Variants in AKAP6 observed in about 807,000 individuals in gnomAD.
AKAP6 encodes the protein A-kinase anchor protein 6.
AKAP6 carries 58 observed loss-of-function variants against 188.5 expected under a neutral mutation model. The observed-to-expected ratio is 0.31, with a 90% confidence interval of 0.25 to 0.38. The LOEUF (loss-of-function observed/expected upper bound fraction) is 0.38, where lower values mean the gene tolerates loss of function less well. Among genes scored for constraint, AKAP6 ranks in the 10% least tolerant of loss-of-function variants. The pLI, the probability that AKAP6 is intolerant of heterozygous loss-of-function variation, is 1.00. For synonymous variants in AKAP6, 989 were observed against 998.6 expected (o/e 0.99, Z 0.18); for missense variants, 2,710 against 2,740.0 (o/e 0.99, Z 0.24).
chr14:32,452,076 C>G (rs892386990), intron 2 of AKAP6, among the ~76,000 whole-genome samples: 2 of 124,418 alleles, frequency 1.6e-5, no homozygotes, highest in African/African-American at 6.4e-5. Context: ...GGCTGGAGTC[C>G]AGTGGTGCAA....
At chr14:32,803,680 T>TC (rs2034014359) in intron 12 of AKAP6, among the ~76,000 whole-genome samples, 1 of 152,210 alleles carries the variant, frequency 6.6e-6, no homozygotes. Context: ...GTCTAGATGC[T>TC]CTTTTCATTC....
At position 32,767,019 on chromosome 14, in the gene AKAP6, C is replaced by T. The variant is rs149026695; in HGVS notation, c.3373-6659C>T. Among the ~76,000 whole-genome samples, 73 of 152,206 alleles carry T rather than the reference C, an allele frequency of 4.8e-4. 1 individual carries two copies. In the East Asian group the frequency reaches 0.014, roughly 29 times the overall value. On this transcript the variant is annotated intron_variant, in intron 11 of 13. Coordinates refer to ENST00000280979, the MANE Select transcript of AKAP6 (RefSeq NM_004274.5). ...GATAGGGGTTCAATTCATTCTTTTG[C>T]ATGTGGATATCCAGTTGTCTCAGCA... is the stretch of plus-strand genomic sequence containing the variant.
At chr14:32,661,022 CCTCT>C (rs1183359092) in intron 7 of AKAP6, among the ~76,000 whole-genome samples, 2 of 143,578 alleles carry the variant, frequency 1.4e-5, no homozygotes, top group African/African-American at 5.1e-5. Context: ...CTTTTCATGA[CCTCT>C]CTATCTTTCA....
At chr14:32,525,549 A>G (rs1882078301) in intron 2 of AKAP6, among the ~76,000 whole-genome samples, 1 of 152,156 alleles carries the variant, frequency 6.6e-6, no homozygotes, top group African/African-American at 2.4e-5. Context: ...CATCTCTTCC[A>G]CGCTTCCAAA....
At chr14:32,656,699 G>C (rs1424064336) in intron 7 of AKAP6, among the ~76,000 whole-genome samples, 1 of 152,180 alleles carries the variant, frequency 6.6e-6, no homozygotes, top group African/African-American at 2.4e-5. Flanking sequence ...GTAAATGCCT[G>C]TGTTTATACC....
At chr14:32,476,965 A>G (rs1879099828) in intron 2 of AKAP6, among the ~76,000 whole-genome samples, 1 of 152,232 alleles carries the variant, frequency 6.6e-6, no homozygotes, top group African/African-American at 2.4e-5. Context: ...TACAAGTCAT[A>G]GATAGATTCA....
At chr14:32,698,054 T>C (rs1305615523) in intron 9 of AKAP6, among the ~76,000 whole-genome samples, 1 of 152,168 alleles carries the variant, frequency 6.6e-6, no homozygotes, top group Admixed American at 6.6e-5. Context: ...AAGATTGAGT[T>C]AGAAACCAGT....
chr14:32,482,827 CA>C (rs776302378), intron 2 of AKAP6, among the ~76,000 whole-genome samples: 159 of 152,034 alleles, frequency 1.0e-3, no homozygotes, highest in Middle Eastern at 6.9e-3. Flanking sequence ...TGTAAAAACA[CA>C]ATTTAATTAG....
chr14:32,379,764 T>G (rs1248519065), intron 1 of AKAP6, among the ~76,000 whole-genome samples: 1 of 152,144 alleles, frequency 6.6e-6, no homozygotes. Flanking sequence ...AGAACATTAT[T>G]TTTAGTCTCT....
At chr14:32,718,359 C>G (rs2030342320) in intron 9 of AKAP6, 1 of 984,078 alleles carries the variant, frequency 1.0e-6, no homozygotes. Context: ...TTTATTTTGT[C>G]AAAATATTTT....
intron 8 of AKAP6, among the ~76,000 whole-genome samples, chr14:32,686,131 T>C (rs185593975): frequency 1.9e-3 from 290 of 152,324 alleles, no homozygotes; most frequent in Non-Finnish European, 3.3e-3. Context: ...ACTTCTGTCA[T>C]TTGCAACGAC....
At chr14:32,640,763 A>G (rs146621590) in intron 7 of AKAP6, among the ~76,000 whole-genome samples, 1 of 152,296 alleles carries the variant, frequency 6.6e-6, no homozygotes, top group East Asian at 1.9e-4. Flanking sequence ...AATCTTATGA[A>G]TGCTAAGCTT....
chr14:32,671,864 C>T (rs184645913), intron 7 of AKAP6, among the ~76,000 whole-genome samples: 4 of 152,158 alleles, frequency 2.6e-5, no homozygotes, highest in Admixed American at 6.5e-5. Context: ...AATTCTGGGA[C>T]GTGAAGTGAT....
chr14:32,640,903 G>A (rs549822802), intron 7 of AKAP6, among the ~76,000 whole-genome samples: 17 of 152,256 alleles, frequency 1.1e-4, no homozygotes, highest in African/African-American at 4.1e-4. Flanking sequence ...AAAGTCTGAA[G>A]ATGTAAAATA....
intron 2 of AKAP6, among the ~76,000 whole-genome samples, chr14:32,479,665 C>T (rs1441197536): frequency 3.9e-5 from 6 of 152,066 alleles, no homozygotes; most frequent in Admixed American, 2.0e-4. Flanking sequence ...TGTTGAAATC[C>T]TAACCTCCAA....
At chr14:32,605,095 T>C (rs1321199953) in intron 7 of AKAP6, among the ~76,000 whole-genome samples, 1 of 152,100 alleles carries the variant, frequency 6.6e-6, no homozygotes, top group Admixed American at 6.6e-5. Flanking sequence ...TGTTCCTGTG[T>C]TAGTTTGCTG....
intron 2 of AKAP6, among the ~76,000 whole-genome samples, chr14:32,510,732 C>A (rs1028346085): frequency 1.3e-5 from 2 of 151,950 alleles, no homozygotes; most frequent in Non-Finnish European, 2.9e-5. Flanking sequence ...ACTACTTTTT[C>A]TAACTTCAAG....
intron 7 of AKAP6, among the ~76,000 whole-genome samples, chr14:32,675,975 T>C (rs1162230573): frequency 6.6e-6 from 1 of 152,228 alleles, no homozygotes. Context: ...GGATTGTTTT[T>C]GTGACCAGTG....
At chr14:32,531,775 G>A (rs1882427961) in intron 2 of AKAP6, among the ~76,000 whole-genome samples, 1 of 152,164 alleles carries the variant, frequency 6.6e-6, no homozygotes, top group South Asian at 2.1e-4. Flanking sequence ...CTTTCACTTA[G>A]TGTAATGCCT....
Sources: gnomAD v4.1 joint callset for allele counts (sites outside exome capture counted in the v4.1 genomes callset) on GRCh38, gnomAD v4.1.1 for gene constraint, MANE v1.5 for transcripts, NCBI Gene and HGNC (gene_info 2026-07-23, HGNC 2026-07-21) for gene names.